The following PCDHGA8 variants were observed in gnomAD, a reference collection of about 807,000 sequenced individuals.
The protein encoded by PCDHGA8 is protocadherin gamma-A8.
Under a neutral mutation model 59.2 loss-of-function variants are expected in PCDHGA8, and 45 were observed. The observed-to-expected ratio is 0.76, with a 90% CI of 0.60 to 0.98. PCDHGA8 has a LOEUF of 0.98. Ranked by LOEUF, PCDHGA8 falls within the 50% of genes least tolerant of loss-of-function variation. The pLI, the probability that PCDHGA8 is intolerant of heterozygous loss-of-function variation, is 0.00. For missense variants in PCDHGA8, 1,257 were observed against 1,196.2 expected (o/e 1.05, Z -0.75); for synonymous variants, 531 against 519.0 (o/e 1.02, Z -0.32).
chr5:141,404,157 A>G (rs746450194), intron 1 of PCDHGA8: 12 of 1,613,094 alleles, frequency 7.4e-6, no homozygotes, highest in Non-Finnish European at 5.9e-6. Flanking sequence ...GAAGATTATT[A>G]CAGATTGTTG....
At chr5:141,414,037 T>C (rs769920301) in intron 1 of PCDHGA8, 2 of 1,611,060 alleles carry the variant, frequency 1.2e-6, no homozygotes, top group Admixed American at 1.7e-5. Context: ...ATTCCGAAAA[T>C]TACCTGACAC....
At chr5:141,510,754 C>G (rs1407911674) in intron 3 of PCDHGA8, among the ~76,000 whole-genome samples, 193 bp from the exon 4 acceptor site, 3 of 152,168 alleles carry the variant, frequency 2.0e-5, no homozygotes, top group African/African-American at 7.2e-5. Flanking sequence ...GACTTTCTCA[C>G]TCCAGAGCCT....
In PCDHGA8 at chr5:141,432,293, G is replaced by T. The variant is rs765631138; in HGVS notation, c.2424+37056G>T. ...CTACGTGTCCATCAACTCCGACACT[G>T]GGGTACTGTATGCGCTGAGCTCCTT... On this transcript the variant is annotated intron_variant, in intron 1 of 3. Coordinates refer to ENST00000398604, the MANE Select transcript of PCDHGA8 (RefSeq NM_032088.2). The surrounding 1 kb of genome is among the most constrained non-coding windows in gnomAD (Gnocchi z 6.0). 1.2e-6 allele frequency: 2 copies of T among 1,614,136 alleles called. No individual in the cohort carries two copies. Among genetic ancestry groups the T allele is most frequent in the African/African-American group, 1.3e-5 (1 of 74,950 alleles).
intron 1 of PCDHGA8, chr5:141,404,337 C>T (rs766940096): frequency 5.0e-6 from 8 of 1,613,902 alleles, no homozygotes; most frequent in Admixed American, 1.7e-5. Flanking sequence ...GTCTACCTCC[C>T]GGAAAACAAC....
At chr5:141,488,565 C>T (rs1308485284) in intron 1 of PCDHGA8, among the ~76,000 whole-genome samples, 1 of 152,174 alleles carries the variant, frequency 6.6e-6, no homozygotes, top group Non-Finnish European at 1.5e-5. Flanking sequence ...GAGATTTCCG[C>T]AAAGCATTGC....
intron 1 of PCDHGA8, among the ~76,000 whole-genome samples, chr5:141,492,482 A>G (rs1339196127): frequency 6.6e-6 from 1 of 152,182 alleles, no homozygotes; most frequent in Non-Finnish European, 1.5e-5. Context: ...GCGGCCGCCC[A>G]GGACCAGGCG....
At chr5:141,398,019 A>T (rs2093601039) in intron 1 of PCDHGA8, 1 of 1,427,024 alleles carries the variant, frequency 7.0e-7, no homozygotes, top group Admixed American at 2.6e-5. Flanking sequence ...CGTTTCCTAA[A>T]CTGGAACTGG....
chr5:141,423,156 C>G, intron 1 of PCDHGA8: 1 of 1,613,388 alleles, frequency 6.2e-7, no homozygotes, highest in Non-Finnish European at 8.5e-7. Flanking sequence ...AGCAGAGCCT[C>G]GTGGTGGCCG....
At chr5:141,467,344 C>A (rs2099142230) in intron 1 of PCDHGA8, among the ~76,000 whole-genome samples, 1 of 152,122 alleles carries the variant, frequency 6.6e-6, no homozygotes, top group South Asian at 2.1e-4. Flanking sequence ...TAAGCCACTG[C>A]CCCCGGCCAA....
intron 1 of PCDHGA8, chr5:141,400,421 G>A (rs1158396440): frequency 1.2e-6 from 2 of 1,613,948 alleles, no homozygotes. Flanking sequence ...TTCCTAAAAT[G>A]TAGTGAGCAA....
chr5:141,408,299 A>C, intron 1 of PCDHGA8: 1 of 1,613,662 alleles, frequency 6.2e-7, no homozygotes, highest in Non-Finnish European at 8.5e-7. Context: ...GAGTGAGCCG[A>C]TCCGCTACTC....
chr5:141,399,999 A>G (rs1589395014), intron 1 of PCDHGA8: 1 of 1,612,302 alleles, frequency 6.2e-7, no homozygotes. Flanking sequence ...AGGTGCGCAC[A>G]GCGCGTGCCT....
intron 1 of PCDHGA8, chr5:141,440,464 G>C (rs2003094): frequency 1.3e-5 from 2 of 152,150 alleles, no homozygotes; most frequent in Admixed American, 6.5e-5. Context: ...ATGAACAAAC[G>C]GTAGTTGAAA....
intron 1 of PCDHGA8, chr5:141,420,199 C>G (rs764130526): frequency 6.2e-7 from 1 of 1,613,362 alleles, no homozygotes; most frequent in Non-Finnish European, 8.5e-7. Flanking sequence ...CACAAGATAA[C>G]CTCAACAAAG....
chr5:141,484,988 G>A (rs1187402042), intron 1 of PCDHGA8: 2 of 604,830 alleles, frequency 3.3e-6, no homozygotes, highest in Admixed American at 3.0e-5. Context: ...CAATCGGGTG[G>A]TGAAAGGCAG....
In PCDHGA8 at chr5:141,487,579, A is replaced by G. The variant is rs779441421; in HGVS notation, c.2425-7228A>G. 60 of 1,614,022 alleles carry G rather than the reference A, an allele frequency of 3.7e-5. No homozygotes were observed. The South Asian group carries it at 6.0e-4, about 16-fold the overall frequency. The stretch of plus-strand genomic sequence containing the variant: ...CTATGGCAGGGGAGCCTGTTCGCCC[A>G]AGCTGCCCACCCTCTGATCTTCTCT... On this transcript the variant is annotated intron_variant, in intron 1 of 3. Transcript: ENST00000398604. This position sits in a 1 kb window ranked among gnomAD's most constrained non-coding sequence, Gnocchi z 5.0.
intron 1 of PCDHGA8, chr5:141,410,998 T>C: frequency 5.8e-6 from 1 of 173,396 alleles, no homozygotes; most frequent in South Asian, 1.4e-4. Context: ...GGATTACTGG[T>C]GCCCCTCACC....
intron 1 of PCDHGA8, among the ~76,000 whole-genome samples, chr5:141,400,831 C>CT (rs1457237248): frequency 1.3e-5 from 2 of 152,146 alleles, no homozygotes; most frequent in Admixed American, 6.5e-5. Flanking sequence ...TTGTCTCATT[C>CT]TTTAACATGT....
chr5:141,415,311 C>T, intron 1 of PCDHGA8: 2 of 1,614,242 alleles, frequency 1.2e-6, no homozygotes, highest in Non-Finnish European at 1.7e-6. Context: ...TGGCCTTCGT[C>T]ATCGTGCTGC....
Sources: gnomAD v4.1 joint callset for allele counts (sites outside exome capture counted in the v4.1 genomes callset) on GRCh38, gnomAD v4.1.1 for gene constraint, Gnocchi (gnomAD v3.1) non-coding constraint, MANE v1.5 for transcripts, NCBI Gene and HGNC (gene_info 2026-07-23, HGNC 2026-07-21) for gene names.